The following ZIC4 variants were observed in gnomAD, a reference collection of about 807,000 sequenced individuals.
ZIC4 encodes the protein Zic family zinc finger 4, also known as zinc finger protein ZIC 4.
A neutral mutation model predicts 28.8 loss-of-function variants in ZIC4; 15 were observed. The ratio of observed to expected loss-of-function variants is 0.52; its 90% CI spans 0.35 to 0.80. ZIC4 has a LOEUF of 0.80. Among genes scored for constraint, ZIC4 ranks in the 30% least tolerant of loss-of-function variants. The pLI, the probability that ZIC4 is intolerant of heterozygous loss-of-function variation, is 0.01. For missense variants in ZIC4, 512 were observed against 467.1 expected, an observed-to-expected ratio of 1.10 and a Z score of -0.89; for synonymous variants, 220 against 198.1, an observed-to-expected ratio of 1.11 and a Z score of -0.93.
chr3:147,394,515 C>T (rs896260046), intron 3 of ZIC4, among the ~76,000 whole-genome samples: 2 of 151,638 alleles, frequency 1.3e-5, no homozygotes, highest in Non-Finnish European at 2.9e-5. Context: ...AGTTCCTTCT[C>T]CAGCTCAGGA....
intron 3 of ZIC4, among the ~76,000 whole-genome samples, chr3:147,394,963 C>A (rs2087008770): frequency 6.6e-6 from 1 of 152,180 alleles, no homozygotes; most frequent in Admixed American, 6.5e-5. Flanking sequence ...CCTGTCCCCA[C>A]CAGTCCCCTT....
intron 2 of ZIC4, among the ~76,000 whole-genome samples, chr3:147,400,236 T>C (rs565012914): frequency 6.6e-6 from 1 of 152,210 alleles, no homozygotes; most frequent in Admixed American, 6.5e-5. Flanking sequence ...AACCACTGAC[T>C]CTCTGGACTC....
rs1225435152 is a variant in ZIC4 at position 147,387,077 on chromosome 3, A to C, written c.*1782T>G. ...AATGCAAACCAGAGCAGAAAGAAGC[A>C]GAAACACAATTATGGACTTAGGGTA... On this transcript the variant is annotated 3_prime_UTR_variant, in exon 5 of 5. Coordinates refer to ENST00000383075, the MANE Select transcript of ZIC4 (RefSeq NM_032153.6). 1 of 152,210 alleles carries C rather than the reference A, an allele frequency of 6.6e-6. No individual in the cohort carries two copies. The highest frequency in any genetic ancestry group is 1.5e-5 in the Non-Finnish European group (1 of 68,042). The allele number at this position is 152,210 out of a possible 1,614,324, so 9.4% of individuals were successfully genotyped here. A position where few individuals can be genotyped will look rare whatever the true frequency, so the allele number is the denominator to read the frequency against.
chr3:147,402,863 CTG>C, intron 1 of ZIC4, 51 bp from the exon 2 acceptor site: 2 of 1,472,612 alleles, frequency 1.4e-6, no homozygotes, highest in Non-Finnish European at 1.9e-6. Flanking sequence ...TTTTACACGT[CTG>C]TGTGGCAACA....
At chr3:147,394,716 T>C (rs1349161273) in intron 3 of ZIC4, among the ~76,000 whole-genome samples, 1 of 152,118 alleles carries the variant, frequency 6.6e-6, no homozygotes, top group African/African-American at 2.4e-5. Flanking sequence ...GCTTTAGAAA[T>C]AAAGTGCCAG....
chr3:147,401,628 T>G (rs1408427707), intron 2 of ZIC4, among the ~76,000 whole-genome samples: 2 of 152,192 alleles, frequency 1.3e-5, no homozygotes, highest in African/African-American at 4.8e-5. Context: ...CCTCTATTCT[T>G]ATGCAAAGAA....
In ZIC4 at chr3:147,396,540, G is replaced by C; in HGVS notation, c.71-71C>G. On this transcript the variant is annotated intron_variant, in intron 2 of 4. Transcript: ENST00000383075. The surrounding 1 kb of genome is among the most constrained non-coding windows in gnomAD (Gnocchi z 4.2). ...TGCGCGCTCTTCCCTGGGCCCCGGG[G>C]GGCAGGCCCAGCCCTGCCGCACTAC... 2 of 1,473,372 alleles carry C rather than the reference G, an allele frequency of 1.4e-6. No individual in the cohort carries two copies. Among genetic ancestry groups the C allele is most frequent in the Non-Finnish European group, 1.8e-6 (2 of 1,121,240 alleles). 91.3% of individuals were successfully genotyped at this position (1,473,372 alleles called of 1,614,324 possible). A position where few individuals can be genotyped will look rare whatever the true frequency, so the allele number is the denominator to read the frequency against.
intron 3 of ZIC4, chr3:147,392,178 C>G: frequency 1.0e-6 from 1 of 985,708 alleles, no homozygotes; most frequent in Non-Finnish European, 1.2e-6. Context: ...AGGGTCCGCA[C>G]AGGCCAAATG....
intron 3 of ZIC4, among the ~76,000 whole-genome samples, chr3:147,394,834 C>T (rs553644949): frequency 6.6e-6 from 1 of 152,294 alleles, no homozygotes; most frequent in East Asian, 1.9e-4. Context: ...AACAACTAGC[C>T]TTAGGAAGTT....
At position 147,403,860 on chromosome 3, in the gene ZIC4, C is replaced by CT. The variant is rs1386673586; in HGVS notation, c.-15-1049_-15-1048insA. On this transcript the variant is annotated intron_variant, in intron 1 of 4. Transcript: ENST00000383075. Reference sequence around the variant, plus strand: ...CACAAAGATCTCTCTCTCTCTCTCTCCCCCTCAACGTCCAACCAGAATTCC... The same window carrying CT: ...CACAAAGATCTCTCTCTCTCTCTCTCTCCCCTCAACGTCCAACCAGAATTCC... 223 of 1,102,696 alleles carry CT rather than the reference C, an allele frequency of 2.0e-4. 1 individual carries two copies. The highest frequency in any genetic ancestry group is 2.7e-4 in the Non-Finnish European group (215 of 794,074). The allele number at this position is 1,102,696 out of a possible 1,614,324, so 68.3% of individuals were successfully genotyped here.
At position 147,388,478 on chromosome 3, in the gene ZIC4, GCT is replaced by G. The variant is rs1455955310; in HGVS notation, c.*379_*380del. 1 of 257,940 alleles carries G rather than the reference GCT, an allele frequency of 3.9e-6. No individual in the cohort carries two copies. Among genetic ancestry groups the G allele is most frequent in the African/African-American group, 2.2e-5 (1 of 45,210 alleles). The allele number at this position is 257,940 out of a possible 1,614,324, so 16.0% of individuals were successfully genotyped here. A position where few individuals can be genotyped will look rare whatever the true frequency, so the allele number is the denominator to read the frequency against. On this transcript the variant is annotated 3_prime_UTR_variant, in exon 5 of 5. Coordinates refer to ENST00000383075, the MANE Select transcript of ZIC4 (RefSeq NM_032153.6). ...AGGGGGCTGAGCGGCGATTCAAGCG[GCT>G]CTTTTCTTCCTTCACATTATTATCC...
Position 147,396,153 on chromosome 3 carries a change from G to C in ZIC4, c.387C>G (p.Ile129Met). The stretch of plus-strand genomic sequence containing the variant: ...TGCCGTCGGCCGCCAGCCACTTGCA[G>C]ATGAGCTCCTGTTTGATGGGCTGGC... Reference protein sequence around the residue: ...YMRQPIKQELICKWLAADGTA... With the variant: ...YMRQPIKQELMCKWLAADGTA... The change falls in exon 3 of 5, where the codon ATC becomes ATG. Residue 129 changes from isoleucine to methionine, a missense_variant. Coordinates refer to ENST00000383075, the MANE Select transcript of ZIC4 (RefSeq NM_032153.6). This position sits in a 1 kb window ranked among gnomAD's most constrained non-coding sequence, Gnocchi z 4.2. The C allele has an allele frequency of 6.2e-7, 1 of 1,614,188 alleles. No homozygotes were observed. Among genetic ancestry groups the C allele is most frequent in the Non-Finnish European group, 8.5e-7 (1 of 1,180,044 alleles).
intron 4 of ZIC4, 95 bp from the exon 5 acceptor site, chr3:147,388,954 G>C: frequency 1.3e-6 from 1 of 746,032 alleles, no homozygotes; most frequent in Non-Finnish European, 2.5e-6. Flanking sequence ...AAGCAAAATG[G>C]GGAGCTTAGA....
chr3:147,388,815 C>T lies in ZIC4; in HGVS notation c.*44G>A, dbSNP rs2086847246. Reference sequence around the variant, plus strand: ...TAGCAGGCGCGAGATGCGGGGCGCTCAGCTGCGCGGAGCGAGATTACCTTG... The same window carrying T: ...TAGCAGGCGCGAGATGCGGGGCGCTTAGCTGCGCGGAGCGAGATTACCTTG... On this transcript the variant is annotated 3_prime_UTR_variant, in exon 5 of 5. Transcript: ENST00000383075. 1 of 775,730 alleles carries T rather than the reference C, an allele frequency of 1.3e-6. No individual in the cohort carries two copies. Among genetic ancestry groups the T allele is most frequent in the African/African-American group, 1.7e-5 (1 of 58,798 alleles). 48.1% of individuals were successfully genotyped at this position (775,730 alleles called of 1,614,324 possible). A position where few individuals can be genotyped will look rare whatever the true frequency, so the allele number is the denominator to read the frequency against.
chr3:147,400,909 C>T (rs1379766121), intron 2 of ZIC4, among the ~76,000 whole-genome samples: 1 of 152,160 alleles, frequency 6.6e-6, no homozygotes, highest in East Asian at 1.9e-4. Flanking sequence ...ACACCAAATG[C>T]TTGACTGAAA....
Position 147,396,263 on chromosome 3 carries a change from C to G in ZIC4, c.277G>C (p.Ala93Pro), listed in dbSNP as rs199650167. ...AARSDALAAA[A>P]ALHGYGGMNL... The stretch of plus-strand genomic sequence containing the variant: ...ATGCCCCCGTAGCCATGCAGGGCTG[C>G]GGCAGCTGCCAGGGCGTCGCTGCGG... Residue 93 changes from alanine to proline, a missense_variant, in exon 3 of 5, where the codon GCA (alanine) becomes CCA (proline). Physicochemically the swap from Ala to Pro is conservative, Grantham distance 27. Coordinates refer to ENST00000383075, the MANE Select transcript of ZIC4 (RefSeq NM_032153.6). This position sits in a 1 kb window ranked among gnomAD's most constrained non-coding sequence, Gnocchi z 4.2. 6.2e-7 allele frequency: 1 copy of G among 1,611,770 alleles called. No homozygotes were observed.
intron 1 of ZIC4, 28 bp from the exon 2 acceptor site, chr3:147,402,840 AC>A: frequency 6.3e-7 from 1 of 1,596,332 alleles, no homozygotes; most frequent in Non-Finnish European, 8.6e-7. Flanking sequence ...AGTGACAGTC[AC>A]TAGTTAAACA....
At position 147,391,006 on chromosome 3, in the gene ZIC4, G is replaced by C; in HGVS notation, c.929C>G (p.Ser310Trp). ...SATPSALVSP[S>W]SDCGHKSQVA... ...CTGGGACTTGTGGCCGCAGTCCGAC[G>C]AGGGCGACACGAGGGCAGACGGTGT... The change falls in exon 4 of 5, where the codon TCG becomes TGG. Residue 310 changes from serine to tryptophan, a missense_variant. Around this residue, in one of 3 missense-constraint regions of ZIC4, gnomAD observed 144 missense variants for 116.8 expected, o/e 1.23. Transcript: ENST00000383075. 1 of 1,613,424 alleles carries C rather than the reference G, an allele frequency of 6.2e-7. No homozygotes were observed. Among genetic ancestry groups the C allele is most frequent in the Non-Finnish European group, 8.5e-7 (1 of 1,179,902 alleles).
chr3:147,388,926 A>G, intron 4 of ZIC4, 67 bp from the exon 5 acceptor site: 1 of 771,298 alleles, frequency 1.3e-6, no homozygotes, highest in Non-Finnish European at 2.4e-6. Flanking sequence ...TTATTTCATT[A>G]TTTTAGATTG....
Sources: gnomAD v4.1 joint callset for allele counts (sites outside exome capture counted in the v4.1 genomes callset) on GRCh38, gnomAD v4.1.1 for gene constraint, gnomAD v4.1.1 regional missense constraint, Gnocchi (gnomAD v3.1) non-coding constraint, MANE v1.5 for transcripts, NCBI Gene and HGNC (gene_info 2026-07-23, HGNC 2026-07-21) for gene names.